The following SOCS5 variants were observed in gnomAD, a reference collection of about 807,000 sequenced individuals.
SOCS5 encodes suppressor of cytokine signaling 5, also known as CIS-6.
A neutral mutation model predicts 42.8 loss-of-function variants in SOCS5; 32 were observed. The observed-to-expected ratio is 0.75, with a 90% CI of 0.56 to 1.01. The LOEUF is 1.01. SOCS5 is among the 50% of genes least tolerant of loss of function. The pLI, the probability that SOCS5 is intolerant of heterozygous loss-of-function variation, is 0.00. For synonymous variants in SOCS5, 283 were observed against 229.6 expected (o/e 1.23, Z -2.10); for missense variants, 627 against 653.0 (o/e 0.96, Z 0.43).
intron 1 of SOCS5, among the ~76,000 whole-genome samples, chr2:46,749,277 A>T (rs2103753005): frequency 6.6e-6 from 1 of 152,314 alleles, no homozygotes; most frequent in Middle Eastern, 3.4e-3. Context: ...CACTAACATG[A>T]ACTAACATGC....
intron 1 of SOCS5, among the ~76,000 whole-genome samples, chr2:46,702,098 T>C (rs1467897340): frequency 6.6e-6 from 1 of 151,908 alleles, no homozygotes; most frequent in Non-Finnish European, 1.5e-5. Flanking sequence ...AAAGGGAGGG[T>C]GTTAAAAGTA....
At chr2:46,724,207 AT>A (rs1471570767) in intron 1 of SOCS5, among the ~76,000 whole-genome samples, 2 of 147,490 alleles carry the variant, frequency 1.4e-5, no homozygotes, top group African/African-American at 4.9e-5. Flanking sequence ...AGATAGTTTT[AT>A]TTCTTTCTAA....
intron 1 of SOCS5, among the ~76,000 whole-genome samples, chr2:46,755,219 A>G (rs1448497118): frequency 1.1e-4 from 16 of 152,198 alleles, no homozygotes; most frequent in Admixed American, 1.3e-4. Flanking sequence ...TTAGGTAAGT[A>G]TAATAGTTCT....
chr2:46,740,948 G>C (rs1288057938), intron 1 of SOCS5, among the ~76,000 whole-genome samples: 1 of 152,136 alleles, frequency 6.6e-6, no homozygotes, highest in African/African-American at 2.4e-5. Context: ...AACCAGAAGA[G>C]ACTCATAAAT....
intron 1 of SOCS5, among the ~76,000 whole-genome samples, chr2:46,712,681 C>T (rs1055529109): frequency 3.3e-5 from 5 of 152,094 alleles, no homozygotes; most frequent in Non-Finnish European, 4.4e-5. Context: ...ACTATTGAGA[C>T]GCTTATGTGG....
At chr2:46,706,209 G>A (rs1672459906) in intron 1 of SOCS5, among the ~76,000 whole-genome samples, 1 of 152,146 alleles carries the variant, frequency 6.6e-6, no homozygotes, top group Admixed American at 6.5e-5. Flanking sequence ...GTTCAGAAAG[G>A]TAGGTGGCAT....
chr2:46,728,240 C>T (rs79444632), intron 1 of SOCS5, among the ~76,000 whole-genome samples: 19,415 of 152,144 alleles, frequency 0.13, 1,755 homozygotes, highest in East Asian at 0.43. Flanking sequence ...CTACCTCCCA[C>T]CATTTACTTT....
At chr2:46,746,106 C>T (rs556188772) in intron 1 of SOCS5, among the ~76,000 whole-genome samples, 43 of 151,490 alleles carry the variant, frequency 2.8e-4, no homozygotes, top group African/African-American at 1.0e-3. Flanking sequence ...GAAGGATGCT[C>T]CAGAAGGGAG....
intron 1 of SOCS5, among the ~76,000 whole-genome samples, chr2:46,733,078 G>A (rs756573650): frequency 6.6e-6 from 1 of 150,960 alleles, no homozygotes; most frequent in Non-Finnish European, 1.5e-5. Flanking sequence ...TCCTATTTTT[G>A]CCCAAATTAT....
At chr2:46,757,382 T>G (rs1185975990) in intron 1 of SOCS5, among the ~76,000 whole-genome samples, 1 of 152,240 alleles carries the variant, frequency 6.6e-6, no homozygotes, top group Non-Finnish European at 1.5e-5. Flanking sequence ...GTTGATACTG[T>G]AGTCTTAAAA....
At chr2:46,754,713 C>G (rs1009632730) in intron 1 of SOCS5, among the ~76,000 whole-genome samples, 1 of 152,026 alleles carries the variant, frequency 6.6e-6, no homozygotes, top group Non-Finnish European at 1.5e-5. Flanking sequence ...TTATATGGTT[C>G]AACCTAATAT....
At position 46,710,638 on chromosome 2, in the gene SOCS5, A is replaced by T. The variant is rs189007149; in HGVS notation, c.-13+11189A>T. 1.2e-3 allele frequency among the ~76,000 whole-genome samples: 185 copies of T among 152,362 alleles called. 3 individuals carry two copies. The highest frequency in any genetic ancestry group is 7.7e-3 in the South Asian group (37 of 4,824). ...TTCAGTCTGATAAAGGGCATCTATT[A>T]AAAACCTATAGCTAACATCATATTC... On this transcript the variant is annotated intron_variant, in intron 1 of 1. Transcript: ENST00000394861.
chr2:46,759,877 C>T lies in SOCS5; in HGVS notation c.1347C>T (p.Ser449=), dbSNP rs767420549. 4 of 1,614,130 alleles carry T rather than the reference C, an allele frequency of 2.5e-6. No homozygotes were observed. In the Admixed American group the frequency reaches 6.7e-5, roughly 27 times the overall value. The change falls in exon 2 of 2, where the codon TCC becomes TCT. Residue 449 remains serine (S), a synonymous_variant. Coordinates refer to ENST00000394861, the MANE Select transcript of SOCS5 (RefSeq NM_144949.3). The part of the protein sequence containing the change: ...FDAHDPCVFH[S]STVTGLLEHY... ...CCCATGACCCGTGTGTATTTCACTC[C>T]TCCACTGTAACGGGACTTTTAGAAC... is the stretch of plus-strand genomic sequence containing the variant.
At chr2:46,726,984 G>A (rs1025875984) in intron 1 of SOCS5, among the ~76,000 whole-genome samples, 4 of 151,744 alleles carry the variant, frequency 2.6e-5, no homozygotes, top group African/African-American at 4.8e-5. Flanking sequence ...TCGAACTCCC[G>A]ATCTCAGGTG....
At chr2:46,748,060 C>G (rs1276926827) in intron 1 of SOCS5, among the ~76,000 whole-genome samples, 3 of 152,108 alleles carry the variant, frequency 2.0e-5, no homozygotes, top group African/African-American at 4.8e-5. Flanking sequence ...CAACATGCTT[C>G]TCTACATTTG....
chr2:46,730,501 G>A (rs754027214), intron 1 of SOCS5, among the ~76,000 whole-genome samples: 1 of 152,194 alleles, frequency 6.6e-6, no homozygotes, highest in Non-Finnish European at 1.5e-5. Flanking sequence ...TTTGGAGGCT[G>A]AGGCAGGCGA....
Position 46,761,128 on chromosome 2 carries a change from A to G in SOCS5, c.*987A>G. The stretch of plus-strand genomic sequence containing the variant: ...TCTCATAACTGAATTGCTTAAGTAT[A>G]ATTTATAGAATTTCAGTGCAGTTCA... On this transcript the variant is annotated 3_prime_UTR_variant, in exon 2 of 2. Transcript: ENST00000394861. 6.0e-6 allele frequency: 1 copy of G among 167,090 alleles called. No individual in the cohort carries two copies. The allele number at this position is 167,090 out of a possible 1,614,324, so 10.4% of individuals were successfully genotyped here.
chr2:46,758,806 A>G lies in SOCS5; in HGVS notation c.276A>G (p.Ile92Met). The change falls in exon 2 of 2, where the codon ATA becomes ATG. Residue 92 changes from isoleucine to methionine, a missense_variant. Ile to Met is a conservative substitution (Grantham distance 10). This residue lies in a region of SOCS5 where 278 missense variants were observed against 246.3 expected (regional missense o/e 1.13). Transcript: ENST00000394861. The stretch of plus-strand genomic sequence containing the variant: ...CAGAAATCCCTCAAATTGTTGAAAT[A>G]AGCATCGAAAAGGATAATGATTCTT... ...CATEIPQIVE[I>M]SIEKDNDSCV... The G allele has an allele frequency of 2.5e-6, 4 of 1,614,230 alleles. No individual in the cohort carries two copies. The highest frequency in any genetic ancestry group is 3.4e-6 in the Non-Finnish European group (4 of 1,180,030).
intron 1 of SOCS5, among the ~76,000 whole-genome samples, chr2:46,742,052 A>G (rs1373717607): frequency 6.6e-6 from 1 of 152,234 alleles, no homozygotes; most frequent in Non-Finnish European, 1.5e-5. Flanking sequence ...AGATAGTACC[A>G]TTAAAATGTA....
Sources: gnomAD v4.1 joint callset for allele counts (sites outside exome capture counted in the v4.1 genomes callset) on GRCh38, gnomAD v4.1.1 for gene constraint, gnomAD v4.1.1 regional missense constraint, MANE v1.5 for transcripts, NCBI Gene and HGNC (gene_info 2026-07-23, HGNC 2026-07-21) for gene names.